GABRA3: variants seen among roughly 807,000 people sequenced by gnomAD.
GABRA3 encodes the protein gamma-aminobutyric acid receptor subunit alpha-3.
Under a neutral mutation model 30.1 loss-of-function variants are expected in GABRA3, and 10 were observed. The observed-to-expected ratio is 0.33, with a 90% CI of 0.20 to 0.56. The LOEUF (loss-of-function observed/expected upper bound fraction) is 0.56. Ranked by LOEUF, GABRA3 falls within the 20% of genes least tolerant of loss-of-function variation. GABRA3 has a pLI of 0.89. For missense variants in GABRA3, 233 were observed against 392.0 expected, an observed-to-expected ratio of 0.59 and a Z score of 3.42; for synonymous variants, 151 against 146.8, an observed-to-expected ratio of 1.03 and a Z score of -0.21.
chrX:152,220,863 G>A (rs751686225), intron 6 of GABRA3, among the ~76,000 whole-genome samples: 5 of 110,554 alleles, frequency 4.5e-5, no homozygotes, highest in South Asian at 3.8e-4. Context: ...GTGCATGTGC[G>A]TGTGTGTGCC....
At chrX:152,444,748 G>GTTTTT (rs1569426323) in intron 1 of GABRA3, among the ~76,000 whole-genome samples, 3 of 47,720 alleles carry the variant, frequency 6.3e-5, no homozygotes, top group Non-Finnish European at 9.8e-5. Flanking sequence ...TTTTTTTTTT[G>GTTTTT]TTTTTTTTTG....
intron 9 of GABRA3, among the ~76,000 whole-genome samples, chrX:152,185,234 T>A (rs1937236950): frequency 8.9e-6 from 1 of 111,782 alleles, no homozygotes; most frequent in Non-Finnish European, 1.9e-5. Context: ...AGAGCACCTG[T>A]ACATTAGAGA....
intron 1 of GABRA3, among the ~76,000 whole-genome samples, chrX:152,394,738 T>C (rs1459648367): frequency 1.8e-5 from 2 of 112,292 alleles, no homozygotes; most frequent in Non-Finnish European, 3.8e-5. Flanking sequence ...TGTATGTTTA[T>C]ATTATCATGG....
intron 3 of GABRA3, among the ~76,000 whole-genome samples, chrX:152,294,179 C>G (rs1939479777): frequency 9.0e-6 from 1 of 111,496 alleles, no homozygotes; most frequent in Non-Finnish European, 1.9e-5. Flanking sequence ...GCCTACCTTG[C>G]TAGGTTGGGG....
intron 5 of GABRA3, among the ~76,000 whole-genome samples, chrX:152,237,064 C>G (rs1437592019): frequency 9.1e-6 from 1 of 109,650 alleles, no homozygotes; most frequent in Non-Finnish European, 1.9e-5. Flanking sequence ...ACATGAAGTC[C>G]TTGCCCATGC....
chrX:152,325,162 A>G (rs1940032969), intron 3 of GABRA3, among the ~76,000 whole-genome samples: 1 of 111,462 alleles, frequency 9.0e-6, no homozygotes, highest in East Asian at 2.8e-4. Flanking sequence ...ATCCCAAGTG[A>G]GAAGTGATTA....
chrX:152,357,473 G>A (rs1398424574), intron 2 of GABRA3, among the ~76,000 whole-genome samples: 1 of 111,214 alleles, frequency 9.0e-6, no homozygotes, highest in Admixed American at 9.6e-5. Context: ...TTTTAATTGG[G>A]TTGTTTTTTG....
rs185158442 is a variant in GABRA3, at chrX:152,284,664, T to C, written c.330+4A>G. On this transcript the variant is annotated splice_donor_region_variant and intron_variant, in intron 4 of 9. Transcript: ENST00000370314. ...CTTTTACATTTACCTTTGCAAGAAC[T>C]TACCATGTCAGTGTCTGACACAGGG... 8.6e-7 allele frequency: 1 copy of C among 1,166,220 alleles called. No individual in the cohort carries two copies. Among genetic ancestry groups the C allele is most frequent in the East Asian group, 3.1e-5 (1 of 32,692 alleles).
At chrX:152,251,615 TCTC>T (rs1330944879) in intron 5 of GABRA3, among the ~76,000 whole-genome samples, 1 of 109,698 alleles carries the variant, frequency 9.1e-6, no homozygotes, top group African/African-American at 3.3e-5. Context: ...CCCATCCACA[TCTC>T]CTCCTCATTA....
intron 7 of GABRA3, among the ~76,000 whole-genome samples, chrX:152,201,252 G>T (rs1937480321): frequency 9.0e-6 from 1 of 111,385 alleles, no homozygotes; most frequent in Non-Finnish European, 1.9e-5. Context: ...AATCAAATTG[G>T]AAGATTTTCA....
chrX:152,279,091 C>T (rs752856484), intron 4 of GABRA3, among the ~76,000 whole-genome samples: 2 of 111,888 alleles, frequency 1.8e-5, no homozygotes, highest in South Asian at 3.7e-4. Context: ...GTTTCTTTAG[C>T]TGTGCAGAAG....
At chrX:152,226,349 C>T (rs1356083465) in intron 5 of GABRA3, among the ~76,000 whole-genome samples, 2 of 111,476 alleles carry the variant, frequency 1.8e-5, no homozygotes, top group Non-Finnish European at 3.8e-5. Flanking sequence ...ATGATCATTG[C>T]TAATAACCTA....
At chrX:152,205,081 A>G (rs1937520573) in intron 7 of GABRA3, among the ~76,000 whole-genome samples, 1 of 111,254 alleles carries the variant, frequency 9.0e-6, no homozygotes, top group Admixed American at 9.5e-5. Context: ...ATTAGGGCCC[A>G]CTCCACTGCA....
chrX:152,171,556 C>A (rs758858439), intron 9 of GABRA3: 1 of 113,864 alleles, frequency 8.8e-6, no homozygotes, highest in South Asian at 3.7e-4. Context: ...TAGATACAGA[C>A]TGAGATGACT....
intron 3 of GABRA3, among the ~76,000 whole-genome samples, chrX:152,307,060 A>G (rs1939730281): frequency 9.0e-6 from 1 of 110,801 alleles, no homozygotes; most frequent in Non-Finnish European, 1.9e-5. Context: ...CTCATGAATG[A>G]GGTATAAAGA....
chrX:152,404,135 A>G (rs781230360), intron 1 of GABRA3, among the ~76,000 whole-genome samples: 6 of 111,657 alleles, frequency 5.4e-5, no homozygotes, highest in Admixed American at 2.9e-4. Context: ...GAAAAGAAAG[A>G]TATGATCCTC....
intron 3 of GABRA3, among the ~76,000 whole-genome samples, chrX:152,299,016 A>G (rs927410176): frequency 8.9e-6 from 1 of 112,247 alleles, no homozygotes; most frequent in African/African-American, 3.2e-5. Context: ...TACCAGAGGT[A>G]GCTACACTGT....
chrX:152,353,473 G>C (rs754929607), intron 2 of GABRA3, among the ~76,000 whole-genome samples: 25 of 111,290 alleles, frequency 2.2e-4, no homozygotes, highest in Middle Eastern at 4.6e-3. Flanking sequence ...AAGCAATACT[G>C]TTTCTCATGG....
At position 152,261,980 on chromosome X, in the gene GABRA3, C is replaced by A. The variant is rs1478563792; in HGVS notation, c.331-5982G>T. 5.3e-5 allele frequency among the ~76,000 whole-genome samples: 6 copies of A among 112,652 alleles called. No homozygotes were observed. The East Asian group carries it at 1.7e-3, about 32-fold the overall frequency. The stretch of plus-strand genomic sequence containing the variant: ...ATCCTCTGAAATCTAGGTGGAGGTT[C>A]CCAAATCTCAATTCTTGACTTCTGT... On this transcript the variant is annotated intron_variant, in intron 4 of 9. Coordinates refer to ENST00000370314, the MANE Select transcript of GABRA3 (RefSeq NM_000808.4).
Sources: allele counts gnomAD v4.1 joint callset (sites outside exome capture counted in the v4.1 genomes callset), GRCh38; gene constraint gnomAD v4.1.1; transcripts MANE v1.5; gene names NCBI Gene and HGNC (gene_info 2026-07-23, HGNC 2026-07-21).